Variants in NEGR1 observed in about 807,000 individuals in gnomAD.
NEGR1 encodes IgLON family member 4.
NEGR1 carries 10 observed loss-of-function variants against 40.9 expected under a neutral mutation model. The ratio of observed to expected loss-of-function variants is 0.24; its 90% CI spans 0.15 to 0.42. The LOEUF (loss-of-function observed/expected upper bound fraction) is 0.42. Ranked by LOEUF, NEGR1 falls within the 10% of genes least tolerant of loss-of-function variation. The pLI is 1.00. For synonymous variants in NEGR1, 185 were observed against 166.8 expected, an observed-to-expected ratio of 1.11 and a Z score of -0.84; for missense variants, 352 against 438.9, an observed-to-expected ratio of 0.80 and a Z score of 1.77.
chr1:72,023,957 A>G (rs1273492275), intron 1 of NEGR1, among the ~76,000 whole-genome samples: 1 of 152,124 alleles, frequency 6.6e-6, no homozygotes, highest in Non-Finnish European at 1.5e-5. Context: ...ATAGCTTACA[A>G]CTGGAGTGTA....
intron 2 of NEGR1, among the ~76,000 whole-genome samples, chr1:71,837,478 G>A (rs758440031): frequency 7.9e-5 from 12 of 151,856 alleles, no homozygotes; most frequent in East Asian, 1.9e-4. Flanking sequence ...TTTTGTTGCC[G>A]TTAAAATACA....
chr1:72,212,212 TTATC>T lies in NEGR1; in HGVS notation c.176+70103_176+70106del, dbSNP rs371039228. Among the ~76,000 whole-genome samples, 1,000 of 152,110 alleles carry T rather than the reference TTATC, an allele frequency of 6.6e-3. 14 individuals carry two copies. The highest frequency in any genetic ancestry group is 0.023 in the African/African-American group (952 of 41,540). On this transcript the variant is annotated intron_variant, in intron 1 of 6. Coordinates refer to ENST00000357731, the MANE Select transcript of NEGR1 (RefSeq NM_173808.3). ...AAAACAAGATAAATTGTGTTAAACT[TTATC>T]AATTGATGTTGTAAAATTACAATCA... is the stretch of plus-strand genomic sequence containing the variant.
chr1:71,904,208 G>T (rs924716791), intron 2 of NEGR1, among the ~76,000 whole-genome samples: 1 of 151,868 alleles, frequency 6.6e-6, no homozygotes, highest in Non-Finnish European at 1.5e-5. Flanking sequence ...AGGACTTGCG[G>T]ATATTTAGTA....
intron 1 of NEGR1, among the ~76,000 whole-genome samples, chr1:72,065,112 A>G (rs1436336102): frequency 6.6e-6 from 1 of 152,110 alleles, no homozygotes; most frequent in East Asian, 1.9e-4. Flanking sequence ...ATACACATAC[A>G]TAGTAAAAGT....
rs149085414 is a variant in NEGR1 at position 71,651,868 on chromosome 1, T to C, written c.668-40722A>G. Among the ~76,000 whole-genome samples, 213 of 152,210 alleles carry C rather than the reference T, an allele frequency of 1.4e-3. 1 individual carries two copies. The highest frequency in any genetic ancestry group is 4.9e-3 in the African/African-American group (203 of 41,506). On this transcript the variant is annotated intron_variant, in intron 4 of 6. Coordinates refer to ENST00000357731, the MANE Select transcript of NEGR1 (RefSeq NM_173808.3). ...TCCTTACAATTTTATAAGGTGCCAGTATTACTTTTGTTTCAACTTTCCATA... is the reference window on the plus strand; with the variant it reads ...TCCTTACAATTTTATAAGGTGCCAGCATTACTTTTGTTTCAACTTTCCATA...
intron 1 of NEGR1, among the ~76,000 whole-genome samples, chr1:72,038,114 T>C (rs539214626): frequency 1.3e-5 from 2 of 152,254 alleles, no homozygotes; most frequent in Admixed American, 6.5e-5. Context: ...GTTTAAAGCC[T>C]AAATCTAACC....
intron 6 of NEGR1, among the ~76,000 whole-genome samples, chr1:71,456,576 T>C (rs1336376803): frequency 6.6e-6 from 1 of 152,170 alleles, no homozygotes; most frequent in Non-Finnish European, 1.5e-5. Context: ...ACTTTAATCA[T>C]TTTTTTCTTC....
chr1:71,862,655 A>G (rs886783178), intron 2 of NEGR1, among the ~76,000 whole-genome samples: 8 of 152,100 alleles, frequency 5.3e-5, no homozygotes, highest in Non-Finnish European at 1.2e-4. Context: ...GGAGGAGTAT[A>G]TATTTTCTAG....
At chr1:71,672,771 A>T (rs1407827179) in intron 4 of NEGR1, among the ~76,000 whole-genome samples, 1 of 152,190 alleles carries the variant, frequency 6.6e-6, no homozygotes, top group Non-Finnish European at 1.5e-5. Context: ...GACATCAGAA[A>T]AATATAGTTG....
intron 1 of NEGR1, among the ~76,000 whole-genome samples, chr1:72,030,042 T>A (rs982632161): frequency 7.3e-6 from 1 of 136,838 alleles, no homozygotes; most frequent in African/African-American, 2.7e-5. Context: ...AAAAAAAAAA[T>A]CTTACAGCTT....
chr1:71,827,262 T>A (rs892488502), intron 2 of NEGR1, among the ~76,000 whole-genome samples: 4 of 151,818 alleles, frequency 2.6e-5, no homozygotes, highest in African/African-American at 9.7e-5. Context: ...AATATAAAGC[T>A]TTTTACTACC....
At chr1:71,821,133 T>G (rs1658414693) in intron 2 of NEGR1, among the ~76,000 whole-genome samples, 1 of 152,010 alleles carries the variant, frequency 6.6e-6, no homozygotes, top group Admixed American at 6.6e-5. Context: ...TAATTTATAG[T>G]TTTGCCTCAG....
rs3080202 is a variant in NEGR1, at chr1:72,077,626, C to CAATAAATAAATA, written c.177-142327_177-142316dup. Among the ~76,000 whole-genome samples, 145 of 146,940 alleles carry CAATAAATAAATA rather than the reference C, an allele frequency of 9.9e-4. 4 individuals carry two copies. In the East Asian group the frequency reaches 0.018, roughly 18 times the overall value. The stretch of plus-strand genomic sequence containing the variant: ...GCAACACACTGAAACTCTGTCTCTA[C>CAATAAATAAATA]AATAAATAAATAAATAAATAAATAA... On this transcript the variant is annotated intron_variant, in intron 1 of 6. Coordinates refer to ENST00000357731, the MANE Select transcript of NEGR1 (RefSeq NM_173808.3).
At chr1:71,690,614 G>GA (rs1653236234) in intron 4 of NEGR1, among the ~76,000 whole-genome samples, 3 of 21,848 alleles carry the variant, frequency 1.4e-4, no homozygotes, top group African/African-American at 2.9e-4. Flanking sequence ...ATATATAGAG[G>GA]GAGACAGAGA....
In NEGR1 at chr1:71,839,193, C is replaced by T. The variant is rs1659149311; in HGVS notation, c.410-62896G>A. On this transcript the variant is annotated intron_variant, in intron 2 of 6. Transcript: ENST00000357731. ...AAAAGTACAGCTGGCTGAAAAGAGA[C>T]CAGACTTTTTTTTTTTTTTTTTTTT... Among the ~76,000 whole-genome samples the T allele has an allele frequency of 3.1e-5, 4 of 130,948 alleles. No homozygotes were observed. The South Asian group carries it at 1.0e-3, about 33-fold the overall frequency. The allele number at this position is 130,948 out of a possible 152,430, so 85.9% of individuals were successfully genotyped here.
At chr1:72,251,205 T>C (rs776842307) in intron 1 of NEGR1, among the ~76,000 whole-genome samples, 1 of 152,238 alleles carries the variant, frequency 6.6e-6, no homozygotes, top group Non-Finnish European at 1.5e-5. Context: ...TTCTAGGCTG[T>C]AGTGCACCTT....
chr1:71,513,594 T>A (rs1395616881), intron 6 of NEGR1, among the ~76,000 whole-genome samples: 1 of 152,236 alleles, frequency 6.6e-6, no homozygotes, highest in African/African-American at 2.4e-5. Context: ...GTAGACATTT[T>A]CTTAAAATAT....
intron 1 of NEGR1, among the ~76,000 whole-genome samples, chr1:72,124,761 A>G: frequency 6.6e-6 from 1 of 152,048 alleles, no homozygotes; most frequent in East Asian, 1.9e-4. Flanking sequence ...GATTTTATAG[A>G]AGAATTGCTA....
intron 1 of NEGR1, among the ~76,000 whole-genome samples, chr1:71,955,157 C>T (rs1301784275): frequency 6.6e-6 from 1 of 152,044 alleles, no homozygotes; most frequent in African/African-American, 2.4e-5. Flanking sequence ...CCATATGCCA[C>T]TGGGAAATAT....
Sources: allele counts gnomAD v4.1 joint callset (sites outside exome capture counted in the v4.1 genomes callset), GRCh38; gene constraint gnomAD v4.1.1; transcripts MANE v1.5; gene names NCBI Gene and HGNC (gene_info 2026-07-23, HGNC 2026-07-21).